GUCA1C: variants seen among roughly 807,000 people sequenced by gnomAD.
The protein encoded by GUCA1C is guanylyl cyclase-activating protein 3.
In GUCA1C, 15 loss-of-function variants were observed where a neutral mutation model predicts 16.2. The ratio of observed to expected loss-of-function variants is 0.93; its 90% confidence interval spans 0.62 to 1.43. The LOEUF is 1.43. Ranked by LOEUF, GUCA1C falls within the 40% of genes most tolerant of loss-of-function variation. GUCA1C has a pLI of 0.00. For synonymous variants in GUCA1C, 78 were observed against 85.4 expected, an observed-to-expected ratio of 0.91 and a Z score of 0.48; for missense variants, 275 against 244.8, an observed-to-expected ratio of 1.12 and a Z score of -0.82.
intron 2 of GUCA1C, among the ~76,000 whole-genome samples, chr3:108,916,545 G>T (rs901816065): frequency 1.5e-4 from 23 of 152,186 alleles, no homozygotes; most frequent in African/African-American, 5.1e-4. Context: ...CCAGAAAACA[G>T]ATATTGCTCT....
At chr3:108,932,924 C>CAAAAAAAAAAAAAA (rs57918246) in intron 1 of GUCA1C, among the ~76,000 whole-genome samples, 1 of 68,682 alleles carries the variant, frequency 1.5e-5, no homozygotes, top group African/African-American at 4.9e-5. Context: ...AAAAAAATCT[C>CAAAAAAAAAAAAAA]AAAAAAAAAA....
intron 1 of GUCA1C, among the ~76,000 whole-genome samples, chr3:108,934,397 A>G (rs1946700196): frequency 1.3e-5 from 2 of 152,166 alleles, no homozygotes; most frequent in Admixed American, 1.3e-4. Context: ...AGAAGAAGGA[A>G]TGTTTATATA....
At chr3:108,955,166 C>G (rs1946935968), upstream of GUCA1C, among the ~76,000 whole-genome samples, 1 of 152,140 alleles carries the variant, frequency 6.6e-6, no homozygotes, top group Admixed American at 6.6e-5. Flanking sequence ...ACCCTTGATT[C>G]CTAAGAAGTA....
chr3:108,946,370 C>T (rs1465907027), intron 1 of GUCA1C, among the ~76,000 whole-genome samples: 1 of 152,096 alleles, frequency 6.6e-6, no homozygotes, highest in East Asian at 1.9e-4. Flanking sequence ...GCACTCAAGC[C>T]ATCTGCTCGC....
At chr3:108,926,022 T>A (rs1285708997) in intron 1 of GUCA1C, among the ~76,000 whole-genome samples, 1 of 151,812 alleles carries the variant, frequency 6.6e-6, no homozygotes, top group African/African-American at 2.4e-5. Flanking sequence ...AGGAGGCAGA[T>A]GTTGCAGTGA....
intron 1 of GUCA1C, among the ~76,000 whole-genome samples, chr3:108,939,593 T>C (rs1282345406): frequency 1.5e-4 from 22 of 151,328 alleles, no homozygotes; most frequent in South Asian, 2.1e-4. Context: ...TCCCAAAGTG[T>C]TGGGATTACA....
chr3:108,921,322 C>A (rs964059706), intron 1 of GUCA1C, among the ~76,000 whole-genome samples: 3 of 152,094 alleles, frequency 2.0e-5, no homozygotes, highest in Non-Finnish European at 4.4e-5. Flanking sequence ...TCTGGATGTA[C>A]CTCAGTTTAT....
intron 1 of GUCA1C, among the ~76,000 whole-genome samples, chr3:108,945,315 G>A (rs1232749899): frequency 1.3e-5 from 2 of 152,202 alleles, no homozygotes; most frequent in Non-Finnish European, 2.9e-5. Context: ...CAGGTTTTGC[G>A]TTGGCAGTGG....
chr3:108,932,924 C>CAAAAAAAAAAAAAAAAAAAAA (rs57918246), intron 1 of GUCA1C, among the ~76,000 whole-genome samples: 1 of 68,678 alleles, frequency 1.5e-5, no homozygotes, highest in African/African-American at 4.9e-5. Context: ...AAAAAAATCT[C>CAAAAAAAAAAAAAAAAAAAAA]AAAAAAAAAA....
chr3:108,914,375 A>G (rs1946486068), intron 3 of GUCA1C, among the ~76,000 whole-genome samples: 2 of 152,162 alleles, frequency 1.3e-5, no homozygotes, highest in Admixed American at 6.5e-5. Context: ...AGTAAACAAA[A>G]AGTCCTGAAT....
At chr3:108,930,560 T>G (rs1003886046) in intron 1 of GUCA1C, among the ~76,000 whole-genome samples, 1 of 152,262 alleles carries the variant, frequency 6.6e-6, no homozygotes, top group Non-Finnish European at 1.5e-5. Flanking sequence ...ACACTGTGGA[T>G]GTTTTACTTT....
chr3:108,943,442 G>A (rs1015835658), intron 1 of GUCA1C, among the ~76,000 whole-genome samples: 3 of 152,198 alleles, frequency 2.0e-5, no homozygotes, highest in Non-Finnish European at 4.4e-5. Context: ...AGGCCTTGGA[G>A]TATAAAGTAG....
rs751221909 is a variant in GUCA1C, at chr3:108,920,528, T to C, written c.262A>G (p.Lys88Glu). The C allele has an allele frequency of 8.2e-6, 13 of 1,588,262 alleles. No individual in the cohort carries two copies. Among genetic ancestry groups the C allele is most frequent in the Admixed American group, 3.3e-5 (2 of 59,944 alleles). Residue 88 changes from lysine to glutamate, a missense_variant, in exon 2 of 4, where the codon AAA becomes GAA. Physicochemically the swap from Lys to Glu is moderately conservative, Grantham distance 56. Coordinates refer to ENST00000261047, the MANE Select transcript of GUCA1C (RefSeq NM_005459.4). Reference protein sequence around the residue: ...IAAVNLIMQEKMEQKLKWYFK... With the variant: ...IAAVNLIMQEEMEQKLKWYFK... ...TACCATTTTAATTTTTGCTCCATTT[T>C]TTCTTGCATGATTAGATTTACAGCA...
intron 3 of GUCA1C, among the ~76,000 whole-genome samples, chr3:108,909,012 C>T (rs942508393): frequency 3.9e-5 from 6 of 152,092 alleles, no homozygotes; most frequent in South Asian, 2.1e-4. Flanking sequence ...CAGCCAAAGA[C>T]GGACGGAGTG....
chr3:108,953,355 G>A (rs527929675), intron 1 of GUCA1C, among the ~76,000 whole-genome samples: 273 of 152,182 alleles, frequency 1.8e-3, no homozygotes, highest in African/African-American at 6.3e-3. Context: ...GGGTGGGAGA[G>A]GCTAGTTCCC....
intron 1 of GUCA1C, among the ~76,000 whole-genome samples, chr3:108,938,541 ATT>A (rs1194895906): frequency 6.6e-6 from 1 of 152,210 alleles, no homozygotes; most frequent in African/African-American, 2.4e-5. Context: ...TTAAATATAT[ATT>A]AATACCTTTT....
chr3:108,942,008 T>G (rs1321893513), intron 1 of GUCA1C, among the ~76,000 whole-genome samples: 1 of 152,144 alleles, frequency 6.6e-6, no homozygotes, highest in African/African-American at 2.4e-5. Context: ...ATTAGAGCTG[T>G]TTTTTCCATT....
intron 2 of GUCA1C, among the ~76,000 whole-genome samples, chr3:108,919,486 A>G (rs1348752641): frequency 2.6e-5 from 4 of 152,148 alleles, no homozygotes; most frequent in African/African-American, 7.2e-5. Flanking sequence ...GAATCCTAGC[A>G]CATTTTTTTT....
intron 3 of GUCA1C, among the ~76,000 whole-genome samples, chr3:108,915,363 T>C (rs1274065485): frequency 1.3e-5 from 2 of 152,198 alleles, no homozygotes; most frequent in African/African-American, 4.8e-5. Context: ...TTTAACAATG[T>C]CAAATTTTCT....
Sources: allele counts gnomAD v4.1 joint callset (sites outside exome capture counted in the v4.1 genomes callset), GRCh38; gene constraint gnomAD v4.1.1; transcripts MANE v1.5; gene names NCBI Gene and HGNC (gene_info 2026-07-23, HGNC 2026-07-21).